The following TCEA1 variants were observed in gnomAD, a reference collection of about 807,000 sequenced individuals.
TCEA1 encodes the protein transcription elongation factor A1.
A neutral mutation model predicts 43.8 loss-of-function variants in TCEA1; 21 were observed. The observed-to-expected ratio is 0.48, with a 90% CI of 0.34 to 0.69. The LOEUF (loss-of-function observed/expected upper bound fraction) is 0.69, where lower values mean the gene tolerates loss of function less well. TCEA1 is among the 30% of genes least tolerant of loss of function. The pLI, the probability that TCEA1 is intolerant of heterozygous loss-of-function variation, is 0.01. For missense variants in TCEA1, 250 were observed against 365.1 expected, an observed-to-expected ratio of 0.68 and a Z score of 2.57; for synonymous variants, 104 against 117.5, an observed-to-expected ratio of 0.88 and a Z score of 0.75.
intron 4 of TCEA1, 32 bp from the exon 5 acceptor site, chr8:53,988,291 T>A: frequency 6.3e-7 from 1 of 1,598,714 alleles, no homozygotes. Context: ...CAAAAAGAAA[T>A]CAAGAACAAT....
At chr8:54,010,564 T>C (rs976157869) in intron 1 of TCEA1, 72 bp from the exon 2 acceptor site, 186 of 1,257,566 alleles carry the variant, frequency 1.5e-4, no homozygotes, top group Admixed American at 1.9e-4. Flanking sequence ...ATAAGGTTCA[T>C]GGGAGAATCA....
At chr8:53,970,535 T>C (rs984834756) in intron 8 of TCEA1, 72 bp from the exon 9 acceptor site, 21 of 723,260 alleles carry the variant, frequency 2.9e-5, no homozygotes, top group Non-Finnish European at 4.4e-5. Context: ...ATGTTATACA[T>C]AAAGATATAT....
chr8:53,990,160 T>C (rs1803827573), intron 4 of TCEA1, among the ~76,000 whole-genome samples: 1 of 150,718 alleles, frequency 6.6e-6, no homozygotes, highest in African/African-American at 2.4e-5. Context: ...ACTACGCCAC[T>C]GCACTCCATC....
chr8:53,985,460 G>C (rs753075224), intron 6 of TCEA1, among the ~76,000 whole-genome samples: 2 of 152,222 alleles, frequency 1.3e-5, no homozygotes, highest in East Asian at 1.9e-4. Context: ...GCCCAAATCC[G>C]AATTCTACTA....
chr8:54,008,539 A>G (rs1049332707), intron 2 of TCEA1, among the ~76,000 whole-genome samples: 4 of 151,782 alleles, frequency 2.6e-5, no homozygotes, highest in African/African-American at 9.7e-5. Context: ...GTCCCCAGTT[A>G]CTTGGGGGTA....
chr8:53,977,440 G>A lies in TCEA1; in HGVS notation c.825+1585C>T, dbSNP rs6981159. Among the ~76,000 whole-genome samples, 838 of 152,298 alleles carry A rather than the reference G, an allele frequency of 5.5e-3. 4 individuals are homozygous for A. The highest frequency in any genetic ancestry group is 0.019 in the African/African-American group (807 of 41,560). On this transcript the variant is annotated intron_variant, in intron 8 of 9. Coordinates refer to ENST00000521604, the MANE Select transcript of TCEA1 (RefSeq NM_006756.4). ...GAACGAGGTGGCCACAGGCAAAAGTGGGAATGGAATTTCCTACTCATAAAC... is the reference window on the plus strand; with the variant it reads ...GAACGAGGTGGCCACAGGCAAAAGTAGGAATGGAATTTCCTACTCATAAAC...
At position 53,996,050 on chromosome 8, in the gene TCEA1, AAAGT is replaced by A. The variant is rs1485899993; in HGVS notation, c.233-2299_233-2296del. 9.8e-5 allele frequency among the ~76,000 whole-genome samples: 15 copies of A among 152,374 alleles called. No individual in the cohort carries two copies. The South Asian group carries it at 3.1e-3, about 32-fold the overall frequency. On this transcript the variant is annotated intron_variant, in intron 3 of 9. Coordinates refer to ENST00000521604, the MANE Select transcript of TCEA1 (RefSeq NM_006756.4). ...ATGGCAAGGACTAAGAAATGGTCCA[AAAGT>A]AATAGGGTAGAAAGCATTTAAAAGG...
intron 2 of TCEA1, chr8:54,002,849 T>C: frequency 2.2e-6 from 1 of 454,556 alleles, no homozygotes; most frequent in Non-Finnish European, 4.4e-6. Context: ...CCTTTGCCTA[T>C]GATTTCTATA....
chr8:53,990,106 G>C (rs1360991963), intron 4 of TCEA1, among the ~76,000 whole-genome samples: 1 of 151,934 alleles, frequency 6.6e-6, no homozygotes, highest in Non-Finnish European at 1.5e-5. Flanking sequence ...GCTGAAGTAG[G>C]GGGCTCGCTT....
intron 2 of TCEA1, among the ~76,000 whole-genome samples, chr8:54,002,394 G>A (rs1804297449): frequency 1.3e-5 from 2 of 151,562 alleles, no homozygotes; most frequent in African/African-American, 2.4e-5. Flanking sequence ...GCTTGAACCC[G>A]GGAGGTAGAG....
At chr8:53,975,971 T>G (rs932649437) in intron 8 of TCEA1, among the ~76,000 whole-genome samples, 1 of 152,128 alleles carries the variant, frequency 6.6e-6, no homozygotes, top group Non-Finnish European at 1.5e-5. Context: ...TTTTAAAAAC[T>G]TAATCTATAC....
At chr8:53,978,942 G>A in intron 8 of TCEA1, 83 bp downstream of exon 8, 1 of 1,440,732 alleles carries the variant, frequency 6.9e-7, no homozygotes, top group Non-Finnish European at 9.4e-7. Flanking sequence ...CTATCATACT[G>A]GTAATTATCT....
chr8:53,978,964 T>C (rs779033279), intron 8 of TCEA1, 61 bp downstream of exon 8: 7 of 1,511,474 alleles, frequency 4.6e-6, no homozygotes, highest in Non-Finnish European at 5.4e-6. Flanking sequence ...TGCTATTTAT[T>C]TTAAAACAGG....
intron 1 of TCEA1, among the ~76,000 whole-genome samples, chr8:54,021,130 A>C (rs1805011400): frequency 6.6e-6 from 1 of 152,320 alleles, no homozygotes; most frequent in East Asian, 1.9e-4. Context: ...CGGAGGTTGC[A>C]GTGAGCCGAG....
chr8:53,993,505 G>GAA (rs11409518), intron 4 of TCEA1, 163 bp downstream of exon 4: 75 of 504,280 alleles, frequency 1.5e-4, no homozygotes, highest in African/African-American at 1.1e-3. Context: ...CAAGAAATCT[G>GAA]AAAAAAAAAT....
At chr8:53,977,413 G>A (rs535120779) in intron 8 of TCEA1, among the ~76,000 whole-genome samples, 1 of 152,310 alleles carries the variant, frequency 6.6e-6, no homozygotes, top group Non-Finnish European at 1.5e-5. Context: ...TTCAGGGAGG[G>A]AGAACGAGGT....
intron 2 of TCEA1, among the ~76,000 whole-genome samples, chr8:54,009,178 A>C (rs1185363399): frequency 3.3e-5 from 5 of 152,128 alleles, no homozygotes; most frequent in African/African-American, 9.6e-5. Context: ...AAAAAAAAAA[A>C]CAGATGCTGG....
chr8:54,011,280 C>A (rs1223854627), intron 1 of TCEA1, among the ~76,000 whole-genome samples: 1 of 152,152 alleles, frequency 6.6e-6, no homozygotes, highest in African/African-American at 2.4e-5. Flanking sequence ...GTTTTTACCC[C>A]ACAAAGAGCT....
chr8:54,007,720 A>AC (rs1236632713), intron 2 of TCEA1, among the ~76,000 whole-genome samples: 1 of 152,112 alleles, frequency 6.6e-6, no homozygotes. Context: ...ATGTTCACAC[A>AC]CCCCCACCAC....
Sources: gnomAD v4.1 joint callset for allele counts (sites outside exome capture counted in the v4.1 genomes callset) on GRCh38, gnomAD v4.1.1 for gene constraint, MANE v1.5 for transcripts, NCBI Gene and HGNC (gene_info 2026-07-23, HGNC 2026-07-21) for gene names.